The following MEIG1 variants were observed in gnomAD, a reference collection of about 807,000 sequenced individuals.
The protein encoded by MEIG1 is meiosis expressed gene 1 protein homolog.
In MEIG1, 12 loss-of-function variants were observed where a neutral mutation model predicts 11.3. That is an observed-to-expected ratio of 1.07 (90% CI 0.68 to 1.73). The LOEUF (loss-of-function observed/expected upper bound fraction) is 1.73. MEIG1 is among the 40% of genes most tolerant of loss of function. The probability of loss-of-function intolerance (pLI) is 0.00; values close to 1 mark genes in which losing one functional copy is unlikely to be tolerated. For synonymous variants in MEIG1, 41 were observed against 33.2 expected, an observed-to-expected ratio of 1.24 and a Z score of -0.81; for missense variants, 119 against 104.9, an observed-to-expected ratio of 1.13 and a Z score of -0.59.
Position 14,971,610 on chromosome 10 carries a change from A to G in MEIG1, c.139-903A>G, listed in dbSNP as rs1437407826. On this transcript the variant is annotated intron_variant, in intron 2 of 2. Transcript: ENST00000407572. ...GAAGGAAATGCATATACACTTTTGG[A>G]TAGTTCTTGAGTTGCTTGCTTTATT... 2.6e-5 allele frequency among the ~76,000 whole-genome samples: 4 copies of G among 152,150 alleles called. No homozygotes were observed. In the South Asian group the frequency reaches 6.2e-4, roughly 24 times the overall value.
rs138745834 is a variant in MEIG1 at position 14,963,728 on chromosome 10, G to A, written c.-29-2712G>A. On this transcript the variant is annotated intron_variant, in intron 1 of 2. Transcript: ENST00000407572. ...ACCTGTAATCACAGCACTTTGGGAGGCCGAGGTACACGATCACTTGAGGCC... is the reference window on the plus strand; with the variant it reads ...ACCTGTAATCACAGCACTTTGGGAGACCGAGGTACACGATCACTTGAGGCC... 6.5e-3 allele frequency among the ~76,000 whole-genome samples: 987 copies of A among 152,282 alleles called. 5 individuals carry two copies. Among genetic ancestry groups the A allele is most frequent in the Non-Finnish European group, 9.3e-3 (632 of 68,026 alleles).
At chr10:14,960,431 T>G (rs997728297) in intron 1 of MEIG1, among the ~76,000 whole-genome samples, 1 of 152,110 alleles carries the variant, frequency 6.6e-6, no homozygotes, top group Non-Finnish European at 1.5e-5. Flanking sequence ...TTTGTTTTAG[T>G]TTTTTGAGAC....
upstream of MEIG1, among the ~76,000 whole-genome samples, chr10:14,956,030 C>T (rs928204955): frequency 6.6e-6 from 1 of 152,210 alleles, no homozygotes; most frequent in African/African-American, 2.4e-5. Context: ...CAAGTTAATG[C>T]TCGTGATCTT....
chr10:14,984,661 G>A (rs1334712584), intron 1 of MEIG1, among the ~76,000 whole-genome samples: 12 of 152,126 alleles, frequency 7.9e-5, no homozygotes, highest in South Asian at 4.2e-4. Context: ...TATGATCCTT[G>A]TAAGATGTCA....
chr10:14,964,455 A>T (rs909649536), intron 1 of MEIG1, among the ~76,000 whole-genome samples: 2 of 151,658 alleles, frequency 1.3e-5, no homozygotes, highest in African/African-American at 4.8e-5. Flanking sequence ...TTTTAAGTCT[A>T]TGTTAATTAA....
upstream of MEIG1, among the ~76,000 whole-genome samples, chr10:14,957,514 G>A (rs1013023735): frequency 2.0e-5 from 3 of 152,240 alleles, no homozygotes; most frequent in African/African-American, 7.2e-5. Context: ...GAGGGAGGGT[G>A]TTGTGAGCAA....
At chr10:14,978,464 G>C (rs891426272) in intron 1 of MEIG1, among the ~76,000 whole-genome samples, 2 of 151,726 alleles carry the variant, frequency 1.3e-5, no homozygotes, top group Non-Finnish European at 2.9e-5. Flanking sequence ...ATACTCTAGG[G>C]AGATGTTACT....
chr10:14,968,804 C>T (rs917803477), intron 2 of MEIG1, among the ~76,000 whole-genome samples: 7 of 151,848 alleles, frequency 4.6e-5, no homozygotes, highest in African/African-American at 1.5e-4. Flanking sequence ...TTGGGCTGGG[C>T]GTGTTGGCTC....
chr10:14,959,027 A>C (rs1467135516), upstream of MEIG1, among the ~76,000 whole-genome samples: 2 of 152,250 alleles, frequency 1.3e-5, no homozygotes, highest in Non-Finnish European at 2.9e-5. Context: ...CATCTATTGT[A>C]GGTTTACTGA....
Position 14,967,318 on chromosome 10 carries a change from TG to T in MEIG1, c.138+716del, listed in dbSNP as rs548579898. ...AAAGAGGTTAAAATCCTGTGGTTTT[TG>T]GGGCAATTATACCTTACAAACAAAA... On this transcript the variant is annotated intron_variant, in intron 2 of 2. Transcript: ENST00000407572. Among the ~76,000 whole-genome samples the T allele has an allele frequency of 2.4e-3, 362 of 151,170 alleles. 1 individual carries two copies. Among genetic ancestry groups the T allele is most frequent in the African/African-American group, 8.5e-3 (346 of 40,760 alleles).
intron 1 of MEIG1, among the ~76,000 whole-genome samples, chr10:14,963,689 G>T (rs1271666794): frequency 3.3e-5 from 5 of 152,186 alleles, no homozygotes; most frequent in Non-Finnish European, 7.3e-5. Context: ...ACTGGACCGG[G>T]TGCGGTGGCT....
At chr10:14,955,429 C>T (rs1056396889), upstream of MEIG1, among the ~76,000 whole-genome samples, 2 of 152,152 alleles carry the variant, frequency 1.3e-5, no homozygotes, top group Non-Finnish European at 2.9e-5. Flanking sequence ...TCCCAGCCCA[C>T]CTCAGTGGCT....
chr10:14,975,800 C>T (rs147786858), downstream of MEIG1, among the ~76,000 whole-genome samples: 4,339 of 152,180 alleles, frequency 0.029, 80 homozygotes, highest in Middle Eastern at 0.051. Context: ...GGGATGGACA[C>T]GCCCCCAGTG....
At chr10:14,978,376 G>A (rs141455642) in intron 1 of MEIG1, among the ~76,000 whole-genome samples, 19 of 152,064 alleles carry the variant, frequency 1.2e-4, no homozygotes, top group Non-Finnish European at 1.8e-4. Context: ...TGTCCACACT[G>A]TGATATTATT....
chr10:14,986,544 C>T (rs1257331780), intron 1 of MEIG1, among the ~76,000 whole-genome samples: 6 of 152,100 alleles, frequency 3.9e-5, no homozygotes, highest in Non-Finnish European at 8.8e-5. Context: ...GTCTTCATTC[C>T]CCATCCCATC....
chr10:14,981,801 C>A (rs1320413668), intron 1 of MEIG1, among the ~76,000 whole-genome samples: 4 of 152,252 alleles, frequency 2.6e-5, no homozygotes, highest in Admixed American at 1.3e-4. Flanking sequence ...GGTTACACTG[C>A]AAACTCTGAC....
chr10:14,983,476 G>A (rs1843285456), intron 1 of MEIG1, among the ~76,000 whole-genome samples: 1 of 151,990 alleles, frequency 6.6e-6, no homozygotes, highest in Non-Finnish European at 1.5e-5. Context: ...CACCCATCCT[G>A]GGATATTCTT....
At chr10:14,957,368 C>A (rs932340097), upstream of MEIG1, among the ~76,000 whole-genome samples, 4 of 152,220 alleles carry the variant, frequency 2.6e-5, no homozygotes, top group Non-Finnish European at 1.5e-5. Context: ...GCCACCGTGC[C>A]ATGCTGCCTC....
At chr10:14,966,866 T>C (rs1843090594) in intron 2 of MEIG1, among the ~76,000 whole-genome samples, 1 of 152,148 alleles carries the variant, frequency 6.6e-6, no homozygotes, top group African/African-American at 2.4e-5. Flanking sequence ...CGTGAGTAGC[T>C]GGGATCACAG....
Sources: gnomAD v4.1 joint callset for allele counts (sites outside exome capture counted in the v4.1 genomes callset) on GRCh38, gnomAD v4.1.1 for gene constraint, MANE v1.5 for transcripts, NCBI Gene and HGNC (gene_info 2026-07-23, HGNC 2026-07-21) for gene names.